BBS9: variants seen among roughly 807,000 people sequenced by gnomAD.
BBS9 encodes the protein protein PTHB1.
In BBS9, 89 loss-of-function variants were observed where a neutral mutation model predicts 117.7. The ratio of observed to expected loss-of-function variants is 0.76; its 90% CI spans 0.64 to 0.90. The LOEUF is 0.90. BBS9 is among the 40% of genes least tolerant of loss of function. The pLI, the probability that BBS9 is intolerant of heterozygous loss-of-function variation, is 0.00. For missense variants in BBS9, 982 were observed against 1,042.2 expected (o/e 0.94, Z 0.80); for synonymous variants, 379 against 370.9 (o/e 1.02, Z -0.25).
chr7:33,388,493 A>G (rs1460325399), intron 19 of BBS9, among the ~76,000 whole-genome samples: 1 of 152,228 alleles, frequency 6.6e-6, no homozygotes, highest in Non-Finnish European at 1.5e-5. Flanking sequence ...TTATGAGACA[A>G]TTCTTGGTGC....
At chr7:33,303,240 T>A (rs1408185712) in intron 9 of BBS9, among the ~76,000 whole-genome samples, 1 of 152,202 alleles carries the variant, frequency 6.6e-6, no homozygotes, top group Non-Finnish European at 1.5e-5. Flanking sequence ...CCTTTCCAAT[T>A]TGAATGCCCT....
At chr7:33,616,717 C>A (rs1380922314) in intron 21 of BBS9, among the ~76,000 whole-genome samples, 1 of 151,020 alleles carries the variant, frequency 6.6e-6, no homozygotes, top group Non-Finnish European at 1.5e-5. Context: ...TTTGTCTTTT[C>A]TTTTTATAGA....
chr7:33,194,215 CCCCT>C (rs1341311636), intron 5 of BBS9, among the ~76,000 whole-genome samples: 1 of 152,166 alleles, frequency 6.6e-6, no homozygotes, highest in Non-Finnish European at 1.5e-5. Context: ...GTCTACATCT[CCCCT>C]CCCCTTCCTG....
chr7:33,290,943 T>C (rs1227124517), intron 9 of BBS9, among the ~76,000 whole-genome samples: 2 of 152,170 alleles, frequency 1.3e-5, no homozygotes, highest in Non-Finnish European at 2.9e-5. Flanking sequence ...AAAATTACTT[T>C]AAAGAAAAAA....
At chr7:33,627,138 A>G (rs1341108364) in intron 21 of BBS9, among the ~76,000 whole-genome samples, 1 of 152,210 alleles carries the variant, frequency 6.6e-6, no homozygotes, top group Non-Finnish European at 1.5e-5. Flanking sequence ...ACTGCCCTGC[A>G]CAACCTCAGG....
intron 21 of BBS9, among the ~76,000 whole-genome samples, chr7:33,534,741 C>A (rs1563320341): frequency 6.6e-6 from 1 of 152,108 alleles, no homozygotes; most frequent in Non-Finnish European, 1.5e-5. Context: ...GTCGTGGGCA[C>A]CCAGGGCTGT....
At chr7:33,563,832 A>T (rs1189798509) in intron 21 of BBS9, among the ~76,000 whole-genome samples, 1 of 152,200 alleles carries the variant, frequency 6.6e-6, no homozygotes, top group Non-Finnish European at 1.5e-5. Context: ...GCTAAAACAA[A>T]GTCATGAGAT....
chr7:33,614,086 T>C (rs1390033180), intron 21 of BBS9, among the ~76,000 whole-genome samples: 2 of 151,982 alleles, frequency 1.3e-5, no homozygotes, highest in Non-Finnish European at 2.9e-5. Flanking sequence ...TCCTGAGAGG[T>C]CAGCCTGTGC....
intron 14 of BBS9, chr7:33,351,889 A>G (rs1818731316): frequency 6.2e-6 from 1 of 161,112 alleles, no homozygotes; most frequent in African/African-American, 2.4e-5. Context: ...AGCCATAGGT[A>G]GTATTTGAAA....
At chr7:33,329,700 T>G (rs981142308) in intron 9 of BBS9, among the ~76,000 whole-genome samples, 2 of 152,182 alleles carry the variant, frequency 1.3e-5, no homozygotes, top group Non-Finnish European at 2.9e-5. Flanking sequence ...AAATGTTCTC[T>G]AAAAGGATTA....
intron 6 of BBS9, among the ~76,000 whole-genome samples, chr7:33,262,866 G>T (rs1798184507): frequency 6.6e-6 from 1 of 152,136 alleles, no homozygotes; most frequent in African/African-American, 2.4e-5. Flanking sequence ...TATACCAAGA[G>T]CATATCTTTT....
chr7:33,129,568 A>C lies in BBS9; in HGVS notation c.-485A>C, dbSNP rs1209412724. On this transcript the variant is annotated 5_prime_UTR_variant, in exon 1 of 23. Transcript: ENST00000242067. ...GGCGTCCGTTGTAAGTGCTATGACA[A>C]CAGGGCGAAGATGGCTCAGAGTTAG... 6.4e-6 allele frequency: 1 copy of C among 156,342 alleles called. No individual in the cohort carries two copies. Among genetic ancestry groups the C allele is most frequent in the East Asian group, 1.9e-4 (1 of 5,360 alleles). 9.7% of individuals were successfully genotyped at this position (156,342 alleles called of 1,614,324 possible).
At chr7:33,333,028 T>C (rs1182587115) in intron 9 of BBS9, among the ~76,000 whole-genome samples, 3 of 152,046 alleles carry the variant, frequency 2.0e-5, no homozygotes, top group Non-Finnish European at 2.9e-5. Context: ...ACCATTCAAC[T>C]TTGGGTCTCT....
At chr7:33,421,325 G>A (rs1342117108) in intron 19 of BBS9, among the ~76,000 whole-genome samples, 2 of 152,032 alleles carry the variant, frequency 1.3e-5, no homozygotes, top group Non-Finnish European at 2.9e-5. Flanking sequence ...GTGAGGGAGT[G>A]CAAAACATAC....
At chr7:33,182,857 C>G (rs1798279258) in intron 5 of BBS9, among the ~76,000 whole-genome samples, 1 of 152,086 alleles carries the variant, frequency 6.6e-6, no homozygotes, top group Non-Finnish European at 1.5e-5. Context: ...AAACAGATCC[C>G]CCAAAATTAA....
intron 19 of BBS9, among the ~76,000 whole-genome samples, chr7:33,428,207 C>T (rs1266907580): frequency 6.6e-6 from 1 of 152,092 alleles, no homozygotes; most frequent in Non-Finnish European, 1.5e-5. Flanking sequence ...TTCTACTGTG[C>T]AAATGAAATA....
At position 33,273,897 on chromosome 7, in the gene BBS9, A is replaced by G; in HGVS notation, c.957A>G (p.Thr319=). ...NNMLHIYQDV[T]LKWATQLPHI... ...TGCTGCATATTTATCAAGATGTGAC[A>G]CTGAAGTGGGCCACCCAACTTCCCC... is the stretch of plus-strand genomic sequence containing the variant. Residue 319 remains threonine (T), a synonymous_variant, in exon 9 of 23, where the codon ACA becomes ACG. Coordinates refer to ENST00000242067, the MANE Select transcript of BBS9 (RefSeq NM_198428.3). The G allele has an allele frequency of 1.9e-6, 3 of 1,613,012 alleles. No individual in the cohort carries two copies. The highest frequency in any genetic ancestry group is 2.5e-6 in the Non-Finnish European group (3 of 1,179,102).
chr7:33,572,971 A>G (rs1858074112), intron 21 of BBS9, among the ~76,000 whole-genome samples: 1 of 152,004 alleles, frequency 6.6e-6, no homozygotes, highest in African/African-American at 2.4e-5. Context: ...GCAGAGGAAA[A>G]TAATTCAGGC....
chr7:33,407,081 T>C (rs1281098539), intron 19 of BBS9, among the ~76,000 whole-genome samples: 2 of 152,214 alleles, frequency 1.3e-5, no homozygotes, highest in Non-Finnish European at 2.9e-5. Flanking sequence ...CAATCAGACG[T>C]AGATTTGGTC....
Sources: gnomAD v4.1 joint callset for allele counts (sites outside exome capture counted in the v4.1 genomes callset) on GRCh38, gnomAD v4.1.1 for gene constraint, MANE v1.5 for transcripts, NCBI Gene and HGNC (gene_info 2026-07-23, HGNC 2026-07-21) for gene names.